UBE2E2: variants seen among roughly 807,000 people sequenced by gnomAD.
UBE2E2 encodes ubiquitin-conjugating enzyme E2 E2.
In UBE2E2, 6 loss-of-function variants were observed where a neutral mutation model predicts 24.7. The ratio of observed to expected loss-of-function variants is 0.24; its 90% confidence interval spans 0.13 to 0.48. The LOEUF is 0.48. Among genes scored for constraint, UBE2E2 ranks in the 20% least tolerant of loss-of-function variants. UBE2E2 has a pLI of 0.99. For missense variants in UBE2E2, 169 were observed against 245.0 expected, an observed-to-expected ratio of 0.69 and a Z score of 2.07; for synonymous variants, 104 against 83.6, an observed-to-expected ratio of 1.24 and a Z score of -1.33.
intron 3 of UBE2E2, among the ~76,000 whole-genome samples, chr3:23,341,673 C>T (rs1046266986): frequency 1.6e-4 from 25 of 152,118 alleles, no homozygotes; most frequent in Non-Finnish European, 2.6e-4. Flanking sequence ...AAAGCATAAT[C>T]ATTTCCCCTC....
intron 3 of UBE2E2, among the ~76,000 whole-genome samples, chr3:23,422,594 C>G (rs1332758038): frequency 6.6e-6 from 1 of 152,142 alleles, no homozygotes. Context: ...TATGTTGGAA[C>G]AAAGAAAAAG....
chr3:23,533,619 ATTT>A (rs759984741), intron 5 of UBE2E2, among the ~76,000 whole-genome samples: 3 of 108,518 alleles, frequency 2.8e-5, no homozygotes, highest in Admixed American at 1.1e-4. Context: ...GCAAATTAGT[ATTT>A]TTTTTTTTTT....
At chr3:23,478,892 A>ATT (rs112682420) in intron 3 of UBE2E2, among the ~76,000 whole-genome samples, 727 of 35,816 alleles carry the variant, frequency 0.02, 4 homozygotes, top group African/African-American at 0.039. Context: ...ATATATATAT[A>ATT]TATATTTTTT....
At chr3:23,584,761 G>T (rs1186267796) in intron 5 of UBE2E2, among the ~76,000 whole-genome samples, 1 of 145,016 alleles carries the variant, frequency 6.9e-6, no homozygotes, top group African/African-American at 2.5e-5. Flanking sequence ...TGTAGAGATG[G>T]GTTCTCACTG....
intron 3 of UBE2E2, among the ~76,000 whole-genome samples, chr3:23,429,912 G>A (rs905363551): frequency 6.6e-6 from 1 of 151,986 alleles, no homozygotes; most frequent in African/African-American, 2.4e-5. Flanking sequence ...ATGGAGTCTC[G>A]GCCTGTTGCC....
chr3:23,375,682 T>C (rs1320612156), intron 3 of UBE2E2, among the ~76,000 whole-genome samples: 1 of 152,216 alleles, frequency 6.6e-6, no homozygotes, highest in Non-Finnish European at 1.5e-5. Context: ...ATAAATTAAC[T>C]TTCCCTTTTC....
chr3:23,373,496 C>G (rs1258881668), intron 3 of UBE2E2, among the ~76,000 whole-genome samples: 1 of 152,046 alleles, frequency 6.6e-6, no homozygotes, highest in African/African-American at 2.4e-5. Context: ...GCCTAAGACA[C>G]CAAAGTGAAA....
chr3:23,352,036 T>G (rs1695771198), intron 3 of UBE2E2, among the ~76,000 whole-genome samples: 1 of 152,170 alleles, frequency 6.6e-6, no homozygotes, highest in Non-Finnish European at 1.5e-5. Flanking sequence ...AAACTGTCTC[T>G]CAGACCTCAG....
chr3:23,554,597 T>C (rs752896882), intron 5 of UBE2E2, among the ~76,000 whole-genome samples: 19 of 152,160 alleles, frequency 1.2e-4, no homozygotes, highest in Non-Finnish European at 2.2e-4. Flanking sequence ...AAGACCTGAA[T>C]GTAACACCTG....
At position 23,363,145 on chromosome 3, in the gene UBE2E2, GGA is replaced by G. The variant is rs1214121508; in HGVS notation, c.228-136461_228-136460del. On this transcript the variant is annotated intron_variant, in intron 3 of 5. Transcript: ENST00000396703. ...ACTTGCTTTACAAGATGTCTTGAAG[GGA>G]GTGCTAGATATAGAAAGGAAAGACT... Among the ~76,000 whole-genome samples, 7 of 152,290 alleles carry G rather than the reference GGA, an allele frequency of 4.6e-5. No homozygotes were observed. The East Asian group carries it at 1.4e-3, about 29-fold the overall frequency.
intron 3 of UBE2E2, among the ~76,000 whole-genome samples, chr3:23,376,451 G>A (rs1696523515): frequency 6.6e-6 from 1 of 152,236 alleles, no homozygotes; most frequent in African/African-American, 2.4e-5. Flanking sequence ...TACTTGATAG[G>A]TAAGATACGT....
chr3:23,349,575 G>T (rs1027754722), intron 3 of UBE2E2, among the ~76,000 whole-genome samples: 2 of 152,226 alleles, frequency 1.3e-5, no homozygotes, highest in African/African-American at 4.8e-5. Flanking sequence ...CGCACCAGGA[G>T]ATTATATCCC....
At chr3:23,382,258 C>T (rs1402843526) in intron 3 of UBE2E2, among the ~76,000 whole-genome samples, 5 of 149,182 alleles carry the variant, frequency 3.4e-5, no homozygotes, top group South Asian at 2.1e-4. Flanking sequence ...CTCGGCTCAC[C>T]GCAGCCACCA....
At chr3:23,410,588 T>C (rs1697473985) in intron 3 of UBE2E2, among the ~76,000 whole-genome samples, 1 of 152,200 alleles carries the variant, frequency 6.6e-6, no homozygotes, top group African/African-American at 2.4e-5. Context: ...CCTTCATCTT[T>C]TCTACTAATT....
chr3:23,355,453 G>C (rs1482985861), intron 3 of UBE2E2, among the ~76,000 whole-genome samples: 1 of 152,176 alleles, frequency 6.6e-6, no homozygotes, highest in Non-Finnish European at 1.5e-5. Context: ...GGAGATAACT[G>C]TAGGGAGGGG....
At chr3:23,356,468 C>T (rs1229710695) in intron 3 of UBE2E2, among the ~76,000 whole-genome samples, 3 of 152,288 alleles carry the variant, frequency 2.0e-5, no homozygotes, top group African/African-American at 7.2e-5. Context: ...TGTGGTGGTA[C>T]ATTCTGACAC....
intron 3 of UBE2E2, among the ~76,000 whole-genome samples, chr3:23,266,079 A>G (rs994338940): frequency 3.3e-5 from 5 of 152,284 alleles, no homozygotes; most frequent in South Asian, 2.1e-4. Flanking sequence ...CAGCACACTG[A>G]TGGGTCTTGA....
intron 3 of UBE2E2, among the ~76,000 whole-genome samples, chr3:23,485,233 G>A (rs1294226263): frequency 6.6e-6 from 1 of 151,648 alleles, no homozygotes; most frequent in Admixed American, 6.6e-5. Flanking sequence ...GTAGCTGGGA[G>A]TACAGGTGCC....
chr3:23,353,108 A>G (rs1199824496), intron 3 of UBE2E2, among the ~76,000 whole-genome samples: 1 of 152,250 alleles, frequency 6.6e-6, no homozygotes, highest in Non-Finnish European at 1.5e-5. Flanking sequence ...GTACTCCAGC[A>G]TATAAACAGA....
Sources: gnomAD v4.1 joint callset for allele counts (sites outside exome capture counted in the v4.1 genomes callset) on GRCh38, gnomAD v4.1.1 for gene constraint, MANE v1.5 for transcripts, NCBI Gene and HGNC (gene_info 2026-07-23, HGNC 2026-07-21) for gene names.